Variants in DST observed in about 807,000 individuals in gnomAD.
The protein encoded by DST is dystonin.
A neutral mutation model predicts 875.2 loss-of-function variants in DST; 253 were observed. That is an observed-to-expected ratio of 0.29 (90% confidence interval 0.26 to 0.32). The LOEUF (loss-of-function observed/expected upper bound fraction) is 0.32. Ranked by LOEUF, DST falls within the 10% of genes least tolerant of loss-of-function variation. DST has a pLI of 1.00. For missense variants in DST, 8,287 were observed against 9,111.6 expected (o/e 0.91, Z 3.68); for synonymous variants, 3,124 against 3,197.1 (o/e 0.98, Z 0.77).
chr6:56,496,035 G>A (rs1175835269), intron 82 of DST, among the ~76,000 whole-genome samples: 1 of 151,830 alleles, frequency 6.6e-6, no homozygotes, highest in African/African-American at 2.4e-5. Context: ...TATTTCTTTT[G>A]CCAAATTTCT....
intron 50 of DST, among the ~76,000 whole-genome samples, chr6:56,576,710 G>A (rs1030798039): frequency 1.3e-5 from 2 of 152,080 alleles, no homozygotes; most frequent in African/African-American, 4.8e-5. Flanking sequence ...GGTAGAGCCC[G>A]TGTGAATGGG....
At chr6:56,808,994 C>T (rs908255858) in intron 4 of DST, among the ~76,000 whole-genome samples, 1 of 152,208 alleles carries the variant, frequency 6.6e-6, no homozygotes, top group Non-Finnish European at 1.5e-5. Context: ...TCATCACCCA[C>T]ACTGCCCTCC....
intron 51 of DST, 140 bp downstream of exon 51, chr6:56,573,535 TGCAA>T (rs1019583796): frequency 3.9e-5 from 25 of 643,584 alleles, no homozygotes; most frequent in Admixed American, 2.3e-4. Context: ...CTTGATTTTG[TGCAA>T]GCATTACTTT....
chr6:56,733,750 A>G (rs1027397095), intron 5 of DST, among the ~76,000 whole-genome samples: 5 of 151,744 alleles, frequency 3.3e-5, no homozygotes, highest in South Asian at 2.1e-4. Context: ...TACCTTTTAC[A>G]AAAATGAAAA....
At chr6:56,513,418 T>C (rs2096524204) in intron 72 of DST, among the ~76,000 whole-genome samples, 1 of 152,092 alleles carries the variant, frequency 6.6e-6, no homozygotes, top group African/African-American at 2.4e-5. Flanking sequence ...TTAGTAGAGA[T>C]GGGGTTTCTC....
chr6:56,809,821 CTTCT>C, intron 4 of DST, among the ~76,000 whole-genome samples: 1 of 152,146 alleles, frequency 6.6e-6, no homozygotes, highest in East Asian at 1.9e-4. Context: ...TTTAAATAAA[CTTCT>C]TTCTGCTTCA....
In DST at chr6:56,640,160, A is replaced by G; in HGVS notation, c.2473T>C (p.Trp825Arg). Residue 825 changes from tryptophan (W) to arginine (R), a missense_variant, in exon 18 of 104, where the codon TGG becomes CGG. This residue lies in a region of DST where 1,160 missense variants were observed against 1,424.3 expected (regional missense o/e 0.81). Transcript: ENST00000680361. Reference sequence around the variant, plus strand: ...TTTTTTACCTGCATCTCATCAACCCAATTCAAAAGATCCTGAACAAATTTC... The same window carrying G: ...TTTTTTACCTGCATCTCATCAACCCGATTCAAAAGATCCTGAACAAATTTC... ...NMKFVQDLLN[W>R]VDEMQVQLDR... 1 of 1,614,088 alleles carries G rather than the reference A, an allele frequency of 6.2e-7. No individual in the cohort carries two copies. Among genetic ancestry groups the G allele is most frequent in the Non-Finnish European group, 8.5e-7 (1 of 1,179,982 alleles).
chr6:56,518,148 A>G (rs2152491285), intron 69 of DST, among the ~76,000 whole-genome samples: 1 of 152,310 alleles, frequency 6.6e-6, no homozygotes, highest in South Asian at 2.1e-4. Context: ...TAAATGATTC[A>G]TGTATAATTT....
chr6:56,678,628 T>C (rs997701072), intron 9 of DST, among the ~76,000 whole-genome samples: 1 of 152,150 alleles, frequency 6.6e-6, no homozygotes, highest in Non-Finnish European at 1.5e-5. Flanking sequence ...TAAAAGCTTG[T>C]TGAGCTAAAG....
chr6:56,663,407 G>C (rs1185832108), intron 10 of DST, among the ~76,000 whole-genome samples: 1 of 152,238 alleles, frequency 6.6e-6, no homozygotes, highest in Non-Finnish European at 1.5e-5. Context: ...GGCTCTGTGT[G>C]TGTCTGGCTT....
chr6:56,493,828 T>C (rs1016723530), intron 83 of DST, among the ~76,000 whole-genome samples, 182 bp downstream of exon 83: 1 of 152,160 alleles, frequency 6.6e-6, no homozygotes, highest in Non-Finnish European at 1.5e-5. Context: ...TTAAATATGT[T>C]CTCATGTTAA....
intron 3 of DST, among the ~76,000 whole-genome samples, chr6:56,892,414 C>T (rs1788033059): frequency 6.6e-6 from 1 of 151,240 alleles, no homozygotes; most frequent in Non-Finnish European, 1.5e-5. Flanking sequence ...GCCTGGAACT[C>T]CGGGCTCAAG....
chr6:56,551,016 T>A (rs2097312758), intron 61 of DST, among the ~76,000 whole-genome samples: 1 of 152,194 alleles, frequency 6.6e-6, no homozygotes, highest in African/African-American at 2.4e-5. Flanking sequence ...TTCCTTCACC[T>A]TCAAGAATCA....
At chr6:56,469,390 A>G (rs1048242644) in intron 97 of DST, among the ~76,000 whole-genome samples, 1 of 152,064 alleles carries the variant, frequency 6.6e-6, no homozygotes, top group Non-Finnish European at 1.5e-5. Context: ...ATGAAGTCAC[A>G]CTGTTCTTCT....
chr6:56,460,913 A>C (rs1379445483), intron 102 of DST: 1 of 152,174 alleles, frequency 6.6e-6, no homozygotes, highest in African/African-American at 2.4e-5. Flanking sequence ...TCTTTATATG[A>C]GTTTGTAGAG....
chr6:56,583,960 T>C (rs1277875987), intron 49 of DST, among the ~76,000 whole-genome samples: 1 of 152,204 alleles, frequency 6.6e-6, no homozygotes, highest in East Asian at 1.9e-4. Flanking sequence ...ATATCTCTGT[T>C]TTGGTACCAG....
In DST at chr6:56,552,864, T is replaced by G; in HGVS notation, c.15928A>C (p.Lys5310Gln). ...DSLGSQAYSN[K>Q]YLTMLQTQQK... ...TGAGTTTGCAACATGGTCAGGTATT[T>G]GTTACTGTAAGCCTGGGATCCCAGC... Residue 5310 changes from lysine to glutamine, a missense_variant, in exon 61 of 104, where the codon AAA becomes CAA. By Grantham distance (53) the Lys-to-Gln change is moderately conservative. Coordinates refer to ENST00000680361, the MANE Select transcript of DST (RefSeq NM_001374736.1). The G allele has an allele frequency of 6.2e-7, 1 of 1,613,886 alleles. No homozygotes were observed. The highest frequency in any genetic ancestry group is 1.7e-5 in the Admixed American group (1 of 60,034).
intron 94 of DST, 54 bp downstream of exon 94, chr6:56,472,005 T>C: frequency 6.3e-7 from 1 of 1,579,276 alleles, no homozygotes; most frequent in Non-Finnish European, 8.7e-7. Context: ...GGCAATGTGT[T>C]ATGAGGAATG....
At chr6:56,477,562 C>T in intron 90 of DST, 74 bp from the exon 91 acceptor site, 1 of 1,574,582 alleles carries the variant, frequency 6.4e-7, no homozygotes. Context: ...ATTTGTTTGA[C>T]TGCCAGAATT....
Sources: gnomAD v4.1 joint callset for allele counts (sites outside exome capture counted in the v4.1 genomes callset) on GRCh38, gnomAD v4.1.1 for gene constraint, gnomAD v4.1.1 regional missense constraint, MANE v1.5 for transcripts, NCBI Gene and HGNC (gene_info 2026-07-23, HGNC 2026-07-21) for gene names.